Variants in ETNK1 observed in about 807,000 individuals in gnomAD.
ETNK1 encodes ethanolamine kinase 1.
Under a neutral mutation model 45.1 loss-of-function variants are expected in ETNK1, and 8 were observed. The ratio of observed to expected loss-of-function variants is 0.18; its 90% confidence interval spans 0.10 to 0.32. The LOEUF is 0.32. Among genes scored for constraint, ETNK1 ranks in the 10% least tolerant of loss-of-function variants. The pLI, the probability that ETNK1 is intolerant of heterozygous loss-of-function variation, is 1.00. For missense variants in ETNK1, 302 were observed against 430.6 expected (o/e 0.70, Z 2.64); for synonymous variants, 152 against 151.9 (o/e 1.00, Z -0.01).
intron 1 of ETNK1, chr12:22,625,933 G>A: frequency 1.8e-6 from 1 of 553,094 alleles, no homozygotes; most frequent in Non-Finnish European, 3.4e-6. Flanking sequence ...CCCTTGCACG[G>A]GGTCCTCGTC....
rs545469906 is a variant in ETNK1, at chr12:22,651,787, G to A, written c.417-7227G>A. ...TGCAATCTCTGCCTCCCAGGTTCAA[G>A]TGATTCTCCTGCATCAGCCTCTCGA... On this transcript the variant is annotated intron_variant, in intron 2 of 7. Coordinates refer to ENST00000266517, the MANE Select transcript of ETNK1 (RefSeq NM_018638.5). Among the ~76,000 whole-genome samples, 4 of 149,798 alleles carry A rather than the reference G, an allele frequency of 2.7e-5. No homozygotes were observed. In the Admixed American group the frequency reaches 2.7e-4, roughly 10 times the overall value.
intron 1 of ETNK1, 110 bp from the exon 2 acceptor site, chr12:22,643,653 A>G (rs1953767759): frequency 1.4e-6 from 1 of 718,282 alleles, no homozygotes; most frequent in African/African-American, 1.8e-5. Context: ...TATGTGAAGA[A>G]GTTGGTGTTT....
chr12:22,661,585 A>G (rs1223814286), intron 4 of ETNK1, among the ~76,000 whole-genome samples: 1 of 152,188 alleles, frequency 6.6e-6, no homozygotes, highest in Non-Finnish European at 1.5e-5. Context: ...AAACTGCTTT[A>G]TAAATAGAAA....
At chr12:22,656,303 A>G (rs762618221) in intron 2 of ETNK1, 303 of 515,202 alleles carry the variant, frequency 5.9e-4, no homozygotes, top group Non-Finnish European at 6.4e-4. Context: ...GATTCTCATG[A>G]ACTTCAAAAT....
rs371381081 is a variant in ETNK1, at chr12:22,669,215, T to C, written c.701-2057T>C. ...GGTGGATAGGTATCTCTGAAATCATTGTGTTTTAGTCTTTTTACTGATAGT... is the reference window on the plus strand; with the variant it reads ...GGTGGATAGGTATCTCTGAAATCATCGTGTTTTAGTCTTTTTACTGATAGT... On this transcript the variant is annotated intron_variant, in intron 4 of 7. Transcript: ENST00000266517. Among the ~76,000 whole-genome samples, 19 of 152,294 alleles carry C rather than the reference T, an allele frequency of 1.2e-4. No homozygotes were observed. The East Asian group carries it at 2.9e-3, about 23-fold the overall frequency.
At chr12:22,637,861 G>A (rs1953675217) in intron 1 of ETNK1, among the ~76,000 whole-genome samples, 1 of 141,492 alleles carries the variant, frequency 7.1e-6, no homozygotes, top group Admixed American at 7.0e-5. Flanking sequence ...AAGTGACAGA[G>A]CGAGAGAGAG....
At chr12:22,655,757 A>G (rs1186765258) in intron 2 of ETNK1, among the ~76,000 whole-genome samples, 2 of 152,122 alleles carry the variant, frequency 1.3e-5, no homozygotes, top group Admixed American at 6.6e-5. Context: ...TTGGGGACAT[A>G]TGACATTAGA....
In ETNK1 at chr12:22,643,763, C is replaced by T; in HGVS notation, c.157C>T (p.Leu53Phe). Residue 53 changes from leucine (L) to phenylalanine (F), a missense_variant and splice_region_variant, in exon 2 of 8, where the codon CTC becomes TTC. By Grantham distance (22) the Leu-to-Phe change is conservative. Around this residue, in one of 3 missense-constraint regions of ETNK1, gnomAD observed 205 missense variants for 259.9 expected, o/e 0.79. Coordinates refer to ENST00000266517, the MANE Select transcript of ETNK1 (RefSeq NM_018638.5). ...HWDPQEVTLQ[L>F]FTDGITNKLI... ...CATTTTTAAAAAAAATTTTTGGCAG[C>T]TCTTCACAGATGGAATCACAAATAA... The T allele has an allele frequency of 6.3e-7, 1 of 1,592,010 alleles. No homozygotes were observed. The highest frequency in any genetic ancestry group is 8.6e-7 in the Non-Finnish European group (1 of 1,166,994).
At chr12:22,647,988 A>G (rs1239482958) in intron 2 of ETNK1, among the ~76,000 whole-genome samples, 2 of 151,966 alleles carry the variant, frequency 1.3e-5, no homozygotes, top group Non-Finnish European at 2.9e-5. Flanking sequence ...TTACCTTCTT[A>G]TATATACAAA....
chr12:22,630,534 C>G (rs1195612356), intron 1 of ETNK1, among the ~76,000 whole-genome samples: 1 of 152,152 alleles, frequency 6.6e-6, no homozygotes, highest in Non-Finnish European at 1.5e-5. Context: ...GGCAATGAAG[C>G]TAGACTTTGA....
chr12:22,625,952 C>A, intron 1 of ETNK1: 1 of 516,298 alleles, frequency 1.9e-6, no homozygotes, highest in Non-Finnish European at 3.7e-6. Context: ...TCTACCTCCT[C>A]CCCTCCCACC....
At chr12:22,649,998 C>T (rs1953854276) in intron 2 of ETNK1, among the ~76,000 whole-genome samples, 1 of 152,016 alleles carries the variant, frequency 6.6e-6, no homozygotes, top group Admixed American at 6.6e-5. Context: ...TAGTCTTCCT[C>T]ATATAAATCT....
intron 3 of ETNK1, among the ~76,000 whole-genome samples, chr12:22,660,055 A>G (rs965554792): frequency 6.7e-6 from 1 of 149,800 alleles, no homozygotes; most frequent in Non-Finnish European, 1.5e-5. Flanking sequence ...AAAAAAAAAA[A>G]CACCGCAGTT....
chr12:22,679,002 C>G (rs1954187964), intron 6 of ETNK1, among the ~76,000 whole-genome samples: 1 of 152,190 alleles, frequency 6.6e-6, no homozygotes, highest in Non-Finnish European at 1.5e-5. Flanking sequence ...GAGTTCACCC[C>G]AAGTACTCAC....
At chr12:22,665,846 T>C (rs558727369) in intron 4 of ETNK1, among the ~76,000 whole-genome samples, 4 of 152,094 alleles carry the variant, frequency 2.6e-5, no homozygotes, top group African/African-American at 9.6e-5. Flanking sequence ...TAGTAGGTAG[T>C]TATAGGACTT....
Position 22,680,901 on chromosome 12 carries a change from CCCCT to C in ETNK1, c.946-3579_946-3576del, listed in dbSNP as rs1954209268. On this transcript the variant is annotated intron_variant, in intron 6 of 7. Transcript: ENST00000266517. ...TGTGGAGCTTTTCTTCCCCCGCCCCCCCCTCCATTATATGCACACTGGGGATTTA... is the reference window on the plus strand; with the variant it reads ...TGTGGAGCTTTTCTTCCCCCGCCCCCCCATTATATGCACACTGGGGATTTA... Among the ~76,000 whole-genome samples, 22 of 138,028 alleles carry C rather than the reference CCCCT, an allele frequency of 1.6e-4. 1 individual carries two copies. Among genetic ancestry groups the C allele is most frequent in the African/African-American group, 3.5e-4 (13 of 37,070 alleles). The allele number at this position is 138,028 out of a possible 152,430, so 90.6% of individuals were successfully genotyped here.
Position 22,688,300 on chromosome 12 carries a change from A to G in ETNK1, c.*3346A>G, listed in dbSNP as rs904943339. ...GTTGATCATGATAGGATCATAAAAG[A>G]CAGAAAAGACTTAAGTAATCTTGTA... On this transcript the variant is annotated 3_prime_UTR_variant, in exon 8 of 8. Transcript: ENST00000266517. The G allele has an allele frequency of 6.6e-6, 1 of 151,862 alleles. No homozygotes were observed. Among genetic ancestry groups the G allele is most frequent in the Non-Finnish European group, 1.5e-5 (1 of 67,770 alleles). The allele number at this position is 151,862 out of a possible 1,614,324, so 9.4% of individuals were successfully genotyped here. A position where few individuals can be genotyped will look rare whatever the true frequency, so the allele number is the denominator to read the frequency against.
chr12:22,655,188 G>A (rs576002804), intron 2 of ETNK1, among the ~76,000 whole-genome samples: 22 of 152,062 alleles, frequency 1.4e-4, no homozygotes, highest in Non-Finnish European at 2.9e-4. Flanking sequence ...GGTTGGTCTC[G>A]AACTCCTTAC....
intron 2 of ETNK1, among the ~76,000 whole-genome samples, chr12:22,647,429 CAAAAG>C (rs1217682880): frequency 6.6e-6 from 1 of 151,814 alleles, no homozygotes; most frequent in African/African-American, 2.4e-5. Context: ...TATAATAACT[CAAAAG>C]AAAGTTATAT....
Sources: gnomAD v4.1 joint callset for allele counts (sites outside exome capture counted in the v4.1 genomes callset) on GRCh38, gnomAD v4.1.1 for gene constraint, gnomAD v4.1.1 regional missense constraint, MANE v1.5 for transcripts, NCBI Gene and HGNC (gene_info 2026-07-23, HGNC 2026-07-21) for gene names.